Variants in ARID4A observed in about 807,000 individuals in gnomAD.
ARID4A encodes the protein AT-rich interaction domain 4A.
ARID4A carries 39 observed loss-of-function variants against 148.6 expected under a neutral mutation model. The observed-to-expected ratio is 0.26, with a 90% CI of 0.20 to 0.34. The LOEUF is 0.34. ARID4A is among the 10% of genes least tolerant of loss of function. The probability of loss-of-function intolerance (pLI) is 1.00; values close to 1 mark genes in which losing one functional copy is unlikely to be tolerated. For missense variants in ARID4A, 1,265 were observed against 1,449.1 expected (o/e 0.87, Z 2.06); for synonymous variants, 475 against 481.2 (o/e 0.99, Z 0.17).
intron 11 of ARID4A, among the ~76,000 whole-genome samples, chr14:58,334,408 G>C (rs2033692234): frequency 6.6e-6 from 1 of 152,132 alleles, no homozygotes; most frequent in South Asian, 2.1e-4. Context: ...GAAATTATAA[G>C]TGCCTTACTA....
At chr14:58,325,751 G>T (rs2033171534) in intron 8 of ARID4A, among the ~76,000 whole-genome samples, 1 of 152,002 alleles carries the variant, frequency 6.6e-6, no homozygotes. Flanking sequence ...CTAGATAATA[G>T]ATTTAATTTG....
intron 17 of ARID4A, 25 bp from the exon 18 acceptor site, chr14:58,359,107 C>CTTTTTTTTTT: frequency 7.7e-7 from 1 of 1,298,548 alleles, no homozygotes; most frequent in Non-Finnish European, 1.0e-6. Flanking sequence ...TGTACAAACT[C>CTTTTTTTTTT]TTTTTTTTTT....
chr14:58,366,006 CT>C lies in ARID4A; in HGVS notation c.3317-12del. The stretch of plus-strand genomic sequence containing the variant: ...AATTTTATTTATAATCTGAGTCAAT[CT>C]TTTTTATTATTTATAGGACAAAGCA... On this transcript the variant is annotated splice_polypyrimidine_tract_variant and intron_variant, in intron 21 of 23. Coordinates refer to ENST00000355431, the MANE Select transcript of ARID4A (RefSeq NM_002892.4). 1 of 1,562,074 alleles carries C rather than the reference CT, an allele frequency of 6.4e-7. No individual in the cohort carries two copies.
chr14:58,306,132 AAC>A lies in ARID4A; in HGVS notation c.274+24_274+25del. The A allele has an allele frequency of 6.4e-7, 1 of 1,559,670 alleles. No individual in the cohort carries two copies. The highest frequency in any genetic ancestry group is 8.8e-7 in the Non-Finnish European group (1 of 1,131,154). ...CCGTGGGTAAGTAATTAAGTAATTT[AAC>A]ACAGATTTGATTTGGAGGTTGCATG... On this transcript the variant is annotated intron_variant, in intron 5 of 23. Transcript: ENST00000355431.
intron 11 of ARID4A, among the ~76,000 whole-genome samples, chr14:58,343,830 C>CAA (rs879571657): frequency 3.8e-5 from 5 of 131,534 alleles, no homozygotes; most frequent in African/African-American, 1.4e-4. Flanking sequence ...AACTCCATCT[C>CAA]AAAAAAAAAA....
chr14:58,304,072 A>AG (rs2031410827), intron 3 of ARID4A, among the ~76,000 whole-genome samples: 2 of 152,174 alleles, frequency 1.3e-5, no homozygotes, highest in African/African-American at 4.8e-5. Context: ...AAAAAAAAAA[A>AG]AAAGTTTGAG....
chr14:58,329,846 A>T, intron 10 of ARID4A, among the ~76,000 whole-genome samples, 157 bp from the exon 11 acceptor site: 1 of 152,222 alleles, frequency 6.6e-6, no homozygotes, highest in East Asian at 1.9e-4. Context: ...ATGTTTATAT[A>T]ACATTATAAC....
intron 5 of ARID4A, among the ~76,000 whole-genome samples, chr14:58,317,839 T>G (rs1359784014): frequency 1.3e-5 from 2 of 151,856 alleles, no homozygotes; most frequent in East Asian, 3.9e-4. Context: ...CAACCTTTAT[T>G]TCTAAACTTC....
At chr14:58,367,108 T>C in intron 23 of ARID4A, 79 bp downstream of exon 23, 2 of 1,143,094 alleles carry the variant, frequency 1.7e-6, no homozygotes, top group Non-Finnish European at 2.3e-6. Context: ...TTTGATACTC[T>C]TTGAATATAG....
intron 11 of ARID4A, among the ~76,000 whole-genome samples, chr14:58,334,562 C>A (rs1484466544): frequency 6.6e-6 from 1 of 152,140 alleles, no homozygotes; most frequent in African/African-American, 2.4e-5. Flanking sequence ...GTAAGCAAAT[C>A]ATTATTTCCT....
intron 11 of ARID4A, among the ~76,000 whole-genome samples, chr14:58,334,673 C>A (rs575706672): frequency 6.6e-6 from 1 of 152,160 alleles, no homozygotes; most frequent in African/African-American, 2.4e-5. Context: ...TGCTCTCTTT[C>A]GCTCAAGGCA....
At chr14:58,329,670 G>A in intron 10 of ARID4A, 66 bp downstream of exon 10, 1 of 1,315,962 alleles carries the variant, frequency 7.6e-7, no homozygotes, top group Non-Finnish European at 1.1e-6. Flanking sequence ...AGCAAATAAA[G>A]CAAGACTGAT....
chr14:58,357,819 T>C (rs527567458), intron 17 of ARID4A, among the ~76,000 whole-genome samples: 5 of 152,334 alleles, frequency 3.3e-5, no homozygotes, highest in East Asian at 3.9e-4. Context: ...ATTTAGATAA[T>C]GTAAAAACTG....
At chr14:58,360,854 T>C in intron 18 of ARID4A, 47 bp from the exon 19 acceptor site, 1 of 1,575,716 alleles carries the variant, frequency 6.3e-7, no homozygotes, top group Non-Finnish European at 8.6e-7. Flanking sequence ...ATGTTCATTT[T>C]TCGTAAAGCA....
intron 22 of ARID4A, 74 bp from the exon 23 acceptor site, chr14:58,366,809 G>A (rs536441872): frequency 1.7e-5 from 20 of 1,190,628 alleles, no homozygotes; most frequent in African/African-American, 1.1e-4. Context: ...TGAGTTAGAC[G>A]TTTGATAGAA....
chr14:58,354,200 A>G (rs1172615530), intron 17 of ARID4A, among the ~76,000 whole-genome samples: 1 of 152,246 alleles, frequency 6.6e-6, no homozygotes, highest in Non-Finnish European at 1.5e-5. Flanking sequence ...ACAATAATTC[A>G]TAATTCTGTG....
intron 15 of ARID4A, among the ~76,000 whole-genome samples, chr14:58,349,351 A>G (rs2034523303): frequency 6.6e-6 from 1 of 152,100 alleles, no homozygotes. Context: ...GTTTTTTACT[A>G]TTTTAAAAAG....
intron 12 of ARID4A, among the ~76,000 whole-genome samples, chr14:58,345,018 A>G (rs1025474614): frequency 6.6e-6 from 1 of 151,914 alleles, no homozygotes; most frequent in Non-Finnish European, 1.5e-5. Context: ...GACTACAGGC[A>G]CGTGCCACCA....
intron 12 of ARID4A, among the ~76,000 whole-genome samples, chr14:58,345,222 A>G (rs1052594970): frequency 3.3e-5 from 5 of 152,196 alleles, no homozygotes; most frequent in African/African-American, 1.2e-4. Context: ...TACACCTGAC[A>G]GTAGTAAAAT....
Sources: gnomAD v4.1 joint callset for allele counts (sites outside exome capture counted in the v4.1 genomes callset) on GRCh38, gnomAD v4.1.1 for gene constraint, MANE v1.5 for transcripts, NCBI Gene and HGNC (gene_info 2026-07-23, HGNC 2026-07-21) for gene names.